CNTN5: variants seen among roughly 807,000 people sequenced by gnomAD.
The protein encoded by CNTN5 is contactin 5.
Under a neutral mutation model 129.1 loss-of-function variants are expected in CNTN5, and 77 were observed. That is an observed-to-expected ratio of 0.60 (90% CI 0.50 to 0.72). The LOEUF (loss-of-function observed/expected upper bound fraction) is 0.72. Among genes scored for constraint, CNTN5 ranks in the 30% least tolerant of loss-of-function variants. The probability of loss-of-function intolerance (pLI) is 0.00; values close to 1 mark genes in which losing one functional copy is unlikely to be tolerated. For synonymous variants in CNTN5, 509 were observed against 465.6 expected (o/e 1.09, Z -1.20); for missense variants, 1,478 against 1,328.8 (o/e 1.11, Z -1.75).
intron 1 of CNTN5, among the ~76,000 whole-genome samples, chr11:99,098,198 G>C (rs1866563646): frequency 1.3e-5 from 2 of 151,868 alleles, no homozygotes; most frequent in African/African-American, 4.8e-5. Flanking sequence ...TGGACTTTTT[G>C]GTCATAAAAA....
chr11:100,236,961 G>A (rs915261745), intron 16 of CNTN5, among the ~76,000 whole-genome samples: 9 of 152,154 alleles, frequency 5.9e-5, no homozygotes, highest in East Asian at 1.9e-4. Context: ...AGGCCAAGGC[G>A]GGTGGATCAC....
rs576534671 is a variant in CNTN5 at position 99,450,466 on chromosome 11, T to C, written c.-70-105679T>C. 3.3e-5 allele frequency among the ~76,000 whole-genome samples: 5 copies of C among 152,230 alleles called. No individual in the cohort carries two copies. In the South Asian group the frequency reaches 8.3e-4, roughly 25 times the overall value. ...GCCATTGTCCTTAGGGGAAGAACTATGTATATAGTTACATGTAAAAGATGA... is the reference window on the plus strand; with the variant it reads ...GCCATTGTCCTTAGGGGAAGAACTACGTATATAGTTACATGTAAAAGATGA... On this transcript the variant is annotated intron_variant, in intron 2 of 24. Transcript: ENST00000524871.
intron 3 of CNTN5, among the ~76,000 whole-genome samples, chr11:99,796,149 G>C (rs1945930726): frequency 6.6e-6 from 1 of 152,152 alleles, no homozygotes; most frequent in Admixed American, 6.5e-5. Flanking sequence ...TGGGGACATG[G>C]TACTTGCAGG....
chr11:100,172,946 G>C (rs539587327), intron 13 of CNTN5, among the ~76,000 whole-genome samples: 1 of 152,194 alleles, frequency 6.6e-6, no homozygotes, highest in East Asian at 1.9e-4. Context: ...GGAGTGGCCT[G>C]ATACCAAAGG....
intron 2 of CNTN5, among the ~76,000 whole-genome samples, chr11:99,392,238 A>G (rs1941300386): frequency 1.3e-5 from 2 of 151,764 alleles, no homozygotes; most frequent in South Asian, 2.1e-4. Flanking sequence ...ATAAAAATAA[A>G]AAACTCAACT....
intron 3 of CNTN5, among the ~76,000 whole-genome samples, chr11:99,762,838 A>T (rs1944628491): frequency 6.6e-6 from 1 of 152,166 alleles, no homozygotes; most frequent in Admixed American, 6.6e-5. Flanking sequence ...TGGTAGGCAG[A>T]CAGAAAGTTT....
At chr11:99,134,233 C>A (rs186104732) in intron 1 of CNTN5, among the ~76,000 whole-genome samples, 1 of 152,122 alleles carries the variant, frequency 6.6e-6, no homozygotes, top group East Asian at 1.9e-4. Context: ...AGGAGAACTA[C>A]ATACACTGGA....
chr11:100,019,780 G>A (rs1941029681), intron 9 of CNTN5, among the ~76,000 whole-genome samples: 1 of 151,934 alleles, frequency 6.6e-6, no homozygotes, highest in Non-Finnish European at 1.5e-5. Context: ...TTCCATGAAG[G>A]CTATACCAAT....
intron 9 of CNTN5, among the ~76,000 whole-genome samples, chr11:100,033,973 A>T (rs1346360582): frequency 2.0e-5 from 3 of 152,210 alleles, no homozygotes; most frequent in Non-Finnish European, 4.4e-5. Flanking sequence ...AGAAGAAAAA[A>T]AAAGACATTT....
chr11:99,185,652 C>T (rs1001102771), intron 1 of CNTN5, among the ~76,000 whole-genome samples: 2 of 151,450 alleles, frequency 1.3e-5, no homozygotes, highest in Non-Finnish European at 3.0e-5. Flanking sequence ...TGCACTAAAT[C>T]TGAACTAAAA....
At chr11:99,416,155 G>T (rs1942645968) in intron 2 of CNTN5, among the ~76,000 whole-genome samples, 1 of 152,084 alleles carries the variant, frequency 6.6e-6, no homozygotes, top group Non-Finnish European at 1.5e-5. Flanking sequence ...ATAATTCAGG[G>T]TTTTATTTAC....
intron 3 of CNTN5, among the ~76,000 whole-genome samples, chr11:99,767,160 G>T (rs1381345155): frequency 6.6e-6 from 1 of 151,904 alleles, no homozygotes; most frequent in Non-Finnish European, 1.5e-5. Context: ...TCATGTATCT[G>T]TTTATTTATT....
chr11:99,168,340 G>A (rs1010334164), intron 1 of CNTN5, among the ~76,000 whole-genome samples: 3 of 152,118 alleles, frequency 2.0e-5, no homozygotes, highest in Non-Finnish European at 4.4e-5. Context: ...GAGGCCGGGG[G>A]GGTGGGGGGA....
intron 18 of CNTN5, among the ~76,000 whole-genome samples, chr11:100,271,914 T>C (rs930749029): frequency 2.6e-5 from 4 of 152,194 alleles, no homozygotes; most frequent in African/African-American, 9.6e-5. Flanking sequence ...AAATAAGGAA[T>C]ACAGAAATTT....
intron 2 of CNTN5, among the ~76,000 whole-genome samples, chr11:99,330,887 A>G (rs1000830774): frequency 1.3e-5 from 2 of 151,994 alleles, no homozygotes; most frequent in Non-Finnish European, 2.9e-5. Context: ...ATTTATTTTT[A>G]TTTTTCTGAC....
intron 1 of CNTN5, among the ~76,000 whole-genome samples, chr11:99,051,995 A>G (rs1001281333): frequency 6.6e-6 from 1 of 151,870 alleles, no homozygotes; most frequent in African/African-American, 2.4e-5. Flanking sequence ...AAGATTAAAG[A>G]AAGTGTAGTT....
chr11:99,933,699 A>G (rs1360284167), intron 7 of CNTN5, among the ~76,000 whole-genome samples: 1 of 152,228 alleles, frequency 6.6e-6, no homozygotes, highest in African/African-American at 2.4e-5. Flanking sequence ...TTGTTGCAAT[A>G]TATTAGGTTG....
intron 1 of CNTN5, among the ~76,000 whole-genome samples, chr11:99,185,330 A>G (rs961590509): frequency 6.6e-6 from 1 of 151,902 alleles, no homozygotes; most frequent in Non-Finnish European, 1.5e-5. Flanking sequence ...TTGAGTATCT[A>G]TAGTGGGAGT....
chr11:99,831,552 T>C (rs1472035211), intron 4 of CNTN5, among the ~76,000 whole-genome samples: 1 of 152,094 alleles, frequency 6.6e-6, no homozygotes, highest in Non-Finnish European at 1.5e-5. Context: ...GATGTAATGG[T>C]ATCACCAAGA....
Sources: allele counts gnomAD v4.1 joint callset (sites outside exome capture counted in the v4.1 genomes callset), GRCh38; gene constraint gnomAD v4.1.1; transcripts MANE v1.5; gene names NCBI Gene and HGNC (gene_info 2026-07-23, HGNC 2026-07-21).